The following PTPA variants were observed in gnomAD, a reference collection of about 807,000 sequenced individuals.
The protein encoded by PTPA is protein phosphatase 2 phosphatase activator.
A neutral mutation model predicts 43.6 loss-of-function variants in PTPA; 13 were observed. That is an observed-to-expected ratio of 0.30 (90% CI 0.19 to 0.47). The LOEUF is 0.47. Among genes scored for constraint, PTPA ranks in the 20% least tolerant of loss-of-function variants. The pLI, the probability that PTPA is intolerant of heterozygous loss-of-function variation, is 0.99. For missense variants in PTPA, 329 were observed against 411.9 expected, an observed-to-expected ratio of 0.80 and a Z score of 1.74; for synonymous variants, 172 against 158.2, an observed-to-expected ratio of 1.09 and a Z score of -0.66.
At chr9:129,144,766 T>C (rs890259970) in intron 9 of PTPA, among the ~76,000 whole-genome samples, 17 of 142,184 alleles carry the variant, frequency 1.2e-4, no homozygotes, top group Admixed American at 2.1e-4. Context: ...GATCACCAAG[T>C]CTTTGCCTGT....
intron 8 of PTPA, among the ~76,000 whole-genome samples, chr9:129,139,223 T>C (rs973873745): frequency 5.3e-5 from 8 of 152,262 alleles, no homozygotes; most frequent in Non-Finnish European, 1.2e-4. Context: ...ATTTTGTCTT[T>C]AGTTGGTTGG....
intron 3 of PTPA, among the ~76,000 whole-genome samples, chr9:129,126,591 T>G (rs569527238): frequency 1.2e-4 from 18 of 152,338 alleles, no homozygotes; most frequent in African/African-American, 4.3e-4. Flanking sequence ...TTGTTCTGTT[T>G]GCTTTTTTAA....
At chr9:129,134,653 G>A in intron 5 of PTPA, 142 bp from the exon 6 acceptor site, 1 of 635,124 alleles carries the variant, frequency 1.6e-6, no homozygotes. Context: ...AAGTCTTTCT[G>A]AATGGGGAAG....
chr9:129,120,365 A>G (rs1849169236), intron 1 of PTPA, 148 bp from the exon 2 acceptor site: 4 of 581,896 alleles, frequency 6.9e-6, no homozygotes, highest in South Asian at 6.2e-5. Context: ...TGGAGGTTGC[A>G]TTGAGCCAAG....
intron 1 of PTPA, chr9:129,111,894 G>A (rs1160388235): frequency 5.9e-6 from 5 of 853,250 alleles, no homozygotes; most frequent in African/African-American, 1.8e-5. Flanking sequence ...CCCGAATGCT[G>A]GGTGGGCAGC....
rs556935506 is a variant in PTPA, at chr9:129,117,602, G to T, written c.32-2911G>T. On this transcript the variant is annotated intron_variant, in intron 1 of 9. Transcript: ENST00000393370. ...GTATTTTTAGTAGAGGTGGAATTTC[G>T]CTATGTTGGCCAGGCTGGTCTTGAA... 8.0e-5 allele frequency among the ~76,000 whole-genome samples: 12 copies of T among 150,252 alleles called. No individual in the cohort carries two copies. The East Asian group carries it at 2.4e-3, about 30-fold the overall frequency.
chr9:129,120,697 C>G, intron 2 of PTPA, 87 bp downstream of exon 2: 11 of 1,194,252 alleles, frequency 9.2e-6, no homozygotes, highest in Non-Finnish European at 1.1e-5. Flanking sequence ...CCTGGCCCTT[C>G]TTGCTCTTGG....
chr9:129,147,486 AC>A lies in PTPA; in HGVS notation c.*25del. ...CTAGGAGGGGCCAAGCCGAAGAGCCACCCAGGCCACAGTTCCTGTGCCTGCC... is the reference window on the plus strand; with the variant it reads ...CTAGGAGGGGCCAAGCCGAAGAGCCACCAGGCCACAGTTCCTGTGCCTGCC... On this transcript the variant is annotated 3_prime_UTR_variant, in exon 10 of 10. Coordinates refer to ENST00000393370, the MANE Select transcript of PTPA (RefSeq NM_178000.3). 6.2e-6 allele frequency: 10 copies of A among 1,608,974 alleles called. No individual in the cohort carries two copies. Among genetic ancestry groups the A allele is most frequent in the Non-Finnish European group, 7.6e-6 (9 of 1,176,584 alleles).
In PTPA at chr9:129,120,752, G is replaced by A. The variant is rs932004329; in HGVS notation, c.129+142G>A. 14 of 676,796 alleles carry A rather than the reference G, an allele frequency of 2.1e-5. No homozygotes were observed. In the Middle Eastern group the frequency reaches 1.0e-3, roughly 50 times the overall value. 41.9% of individuals were successfully genotyped at this position (676,796 alleles called of 1,614,324 possible). On this transcript the variant is annotated intron_variant, in intron 2 of 9. Transcript: ENST00000393370. ...TAGGGAGAAAGGTGACAGGGGAGCT[G>A]GCTGTCTCTTCCCTTCAGAGGCAGT... is the stretch of plus-strand genomic sequence containing the variant.
At chr9:129,127,825 T>C in intron 3 of PTPA, 1 of 466,098 alleles carries the variant, frequency 2.1e-6, no homozygotes, top group South Asian at 1.8e-5. Flanking sequence ...ACCATAGCAT[T>C]GTGTATGAAA....
chr9:129,143,788 G>T, intron 9 of PTPA: 1 of 215,930 alleles, frequency 4.6e-6, no homozygotes, highest in South Asian at 7.5e-5. Flanking sequence ...GCTGCAGCTG[G>T]CCACCCCCGG....
chr9:129,126,194 T>C (rs1849567589), intron 3 of PTPA, among the ~76,000 whole-genome samples: 1 of 151,728 alleles, frequency 6.6e-6, no homozygotes, highest in African/African-American at 2.4e-5. Flanking sequence ...TATTTATTTA[T>C]TTTTATTTTT....
intron 8 of PTPA, among the ~76,000 whole-genome samples, chr9:129,140,679 G>C (rs1165412510): frequency 6.6e-6 from 1 of 152,128 alleles, no homozygotes; most frequent in Non-Finnish European, 1.5e-5. Context: ...CTGGTTGCTT[G>C]CTCAGAGGGC....
intron 8 of PTPA, among the ~76,000 whole-genome samples, chr9:129,138,881 C>T (rs551497271): frequency 3.8e-4 from 58 of 152,322 alleles, no homozygotes; most frequent in African/African-American, 1.2e-3. Context: ...ACTTCATTCC[C>T]GGAGATCTGC....
chr9:129,144,238 T>C (rs2131630292), intron 9 of PTPA, among the ~76,000 whole-genome samples: 1 of 151,798 alleles, frequency 6.6e-6, no homozygotes, highest in East Asian at 2.0e-4. Flanking sequence ...ACAGGGACTG[T>C]CCACTCTGCA....
chr9:129,141,465 C>T (rs945183599), intron 8 of PTPA, among the ~76,000 whole-genome samples: 3 of 152,172 alleles, frequency 2.0e-5, no homozygotes, highest in South Asian at 2.1e-4. Flanking sequence ...CCCTGTTCCC[C>T]TGTAAATGCT....
At chr9:129,138,463 C>T (rs976281340) in intron 8 of PTPA, among the ~76,000 whole-genome samples, 3 of 152,204 alleles carry the variant, frequency 2.0e-5, no homozygotes, top group Non-Finnish European at 2.9e-5. Flanking sequence ...GCTGGGGACC[C>T]TCTGCTCTCT....
chr9:129,120,939 C>A (rs959970618), intron 2 of PTPA, among the ~76,000 whole-genome samples: 2 of 152,166 alleles, frequency 1.3e-5, no homozygotes, highest in Non-Finnish European at 2.9e-5. Context: ...CACTTTGATT[C>A]TTGGCTGCAA....
chr9:129,136,649 T>C, intron 7 of PTPA, 54 bp downstream of exon 7: 1 of 1,545,410 alleles, frequency 6.5e-7, no homozygotes, highest in Non-Finnish European at 8.8e-7. Context: ...CTGCGTTCTG[T>C]GGCCCTCCCC....
Sources: gnomAD v4.1 joint callset for allele counts (sites outside exome capture counted in the v4.1 genomes callset) on GRCh38, gnomAD v4.1.1 for gene constraint, MANE v1.5 for transcripts, NCBI Gene and HGNC (gene_info 2026-07-23, HGNC 2026-07-21) for gene names.